RPH3A: variants seen among roughly 807,000 people sequenced by gnomAD.
The protein encoded by RPH3A is rabphilin-3A.
In RPH3A, 48 loss-of-function variants were observed where a neutral mutation model predicts 102.2. That is an observed-to-expected ratio of 0.47 (90% CI 0.37 to 0.60). The LOEUF is 0.60. Among genes scored for constraint, RPH3A ranks in the 20% least tolerant of loss-of-function variants. The pLI is 0.00. For synonymous variants in RPH3A, 310 were observed against 324.3 expected, an observed-to-expected ratio of 0.96 and a Z score of 0.47; for missense variants, 781 against 910.1, an observed-to-expected ratio of 0.86 and a Z score of 1.83.
chr12:112,766,129 A>T (rs1016067984), intron 1 of RPH3A, among the ~76,000 whole-genome samples: 1 of 152,188 alleles, frequency 6.6e-6, no homozygotes, highest in Non-Finnish European at 1.5e-5. Flanking sequence ...CATCTAGAAG[A>T]TGAGAGCCCA....
chr12:112,694,715 G>A (rs929684104), intron 1 of RPH3A, among the ~76,000 whole-genome samples: 8 of 151,128 alleles, frequency 5.3e-5, no homozygotes, highest in African/African-American at 2.0e-4. Flanking sequence ...CTGTTTACTT[G>A]AAATGGCCTC....
At chr12:112,874,358 A>G (rs1282901328) in intron 10 of RPH3A, among the ~76,000 whole-genome samples, 1 of 152,222 alleles carries the variant, frequency 6.6e-6, no homozygotes, top group African/African-American at 2.4e-5. Flanking sequence ...GAGCTCAGTA[A>G]CTTCTCTGTG....
intron 10 of RPH3A, 145 bp from the exon 11 acceptor site, chr12:112,874,939 G>A: frequency 1.6e-6 from 1 of 613,140 alleles, no homozygotes. Context: ...AGGCAGAAGA[G>A]TCAGAAAGAG....
intron 1 of RPH3A, among the ~76,000 whole-genome samples, chr12:112,780,464 C>G (rs1382853712): frequency 2.0e-5 from 3 of 151,948 alleles, no homozygotes; most frequent in Non-Finnish European, 4.4e-5. Context: ...CTTACCTGTC[C>G]TGTATCCATT....
chr12:112,777,698 C>T (rs188665783), intron 1 of RPH3A, among the ~76,000 whole-genome samples: 1 of 152,306 alleles, frequency 6.6e-6, no homozygotes, highest in Non-Finnish European at 1.5e-5. Flanking sequence ...ATGATGCTAG[C>T]AGCTGAACAT....
chr12:112,614,688 CAAAAAAAAAAAA>C (rs35810360), intron 1 of RPH3A, among the ~76,000 whole-genome samples: 7 of 27,156 alleles, frequency 2.6e-4, no homozygotes, highest in South Asian at 1.7e-3. Context: ...GACCCTGCCT[CAAAAAAAAAAAA>C]AAAAAAAAAA....
intron 1 of RPH3A, among the ~76,000 whole-genome samples, chr12:112,586,055 A>T (rs2039437043): frequency 6.6e-6 from 1 of 152,190 alleles, no homozygotes; most frequent in Non-Finnish European, 1.5e-5. Flanking sequence ...ATGTAAAAAG[A>T]AGAAAAAAAT....
chr12:112,723,555 G>A (rs1372637616), intron 1 of RPH3A, among the ~76,000 whole-genome samples: 1 of 152,134 alleles, frequency 6.6e-6, no homozygotes, highest in Non-Finnish European at 1.5e-5. Flanking sequence ...TGCTTCTTGG[G>A]AGCACTTCCA....
chr12:112,778,230 A>G (rs1193768485), intron 1 of RPH3A, among the ~76,000 whole-genome samples: 1 of 152,236 alleles, frequency 6.6e-6, no homozygotes, highest in Non-Finnish European at 1.5e-5. Flanking sequence ...GTTCTGTCAA[A>G]TGAGAGAGAG....
chr12:112,890,999 A>C lies in RPH3A; in HGVS notation c.1771A>C (p.Lys591Gln). The change falls in exon 19 of 22, where the codon AAG becomes CAG. Residue 591 changes from lysine (K) to glutamine (Q), a missense_variant. By Grantham distance (53) the Lys-to-Gln change is moderately conservative. Around this residue, in one of 2 missense-constraint regions of RPH3A, gnomAD observed 730 missense variants for 810.0 expected, o/e 0.90. Coordinates refer to ENST00000389385, the MANE Select transcript of RPH3A (RefSeq NM_001143854.2). Reference protein sequence around the residue: ...DANGYSDPFVKLWLKPDMGKK... With the variant: ...DANGYSDPFVQLWLKPDMGKK... ...TAATGGCTACTCAGACCCATTCGTCAAGCTGTAAGTCAATGCCTTGGGGCT... is the reference window on the plus strand; with the variant it reads ...TAATGGCTACTCAGACCCATTCGTCCAGCTGTAAGTCAATGCCTTGGGGCT... 1 of 1,614,134 alleles carries C rather than the reference A, an allele frequency of 6.2e-7. No homozygotes were observed. The highest frequency in any genetic ancestry group is 8.5e-7 in the Non-Finnish European group (1 of 1,179,994).
At chr12:112,849,057 A>G (rs1268309756) in intron 5 of RPH3A, among the ~76,000 whole-genome samples, 1 of 152,190 alleles carries the variant, frequency 6.6e-6, no homozygotes, top group Non-Finnish European at 1.5e-5. Context: ...CCAACTGCTT[A>G]CAGCGGATTT....
chr12:112,641,478 C>T (rs1016043030), intron 1 of RPH3A, among the ~76,000 whole-genome samples: 1 of 152,188 alleles, frequency 6.6e-6, no homozygotes, highest in Non-Finnish European at 1.5e-5. Flanking sequence ...CTCACTGCAA[C>T]CTCCGCCTCC....
chr12:112,837,662 A>G (rs992642680), intron 4 of RPH3A: 32 of 432,496 alleles, frequency 7.4e-5, no homozygotes, highest in African/African-American at 6.0e-4. Context: ...TCTGCTTTCT[A>G]TGAAATCATG....
chr12:112,682,944 T>C (rs1054176138), intron 1 of RPH3A, among the ~76,000 whole-genome samples: 16 of 152,230 alleles, frequency 1.1e-4, no homozygotes, highest in African/African-American at 3.9e-4. Flanking sequence ...ATCTTAAAAC[T>C]TATTTTTTCT....
chr12:112,860,472 A>G (rs2042489114), intron 5 of RPH3A, among the ~76,000 whole-genome samples: 1 of 152,166 alleles, frequency 6.6e-6, no homozygotes, highest in Admixed American at 6.5e-5. Context: ...CCAGGAGTTA[A>G]TGGTGAAAGG....
rs73421299 is a variant in RPH3A at position 112,764,291 on chromosome 12, C to T, written c.-139-27852C>T. On this transcript the variant is annotated intron_variant, in intron 1 of 21. Coordinates refer to the RPH3A transcript ENST00000543106. ...TGCAGGCTCAGAGAATGGCCAAAAA[C>T]GAGTTAAGGTAGTAAGTCAGGTTTT... is the stretch of plus-strand genomic sequence containing the variant. Among the ~76,000 whole-genome samples, 525 of 152,196 alleles carry T rather than the reference C, an allele frequency of 3.4e-3. 4 individuals are homozygous for T. The highest frequency in any genetic ancestry group is 0.012 in the African/African-American group (490 of 41,518).
rs942769698 is a variant in RPH3A at position 112,771,015 on chromosome 12, C to A, written c.-139-21128C>A. On this transcript the variant is annotated intron_variant, in intron 1 of 21. Coordinates refer to the RPH3A transcript ENST00000543106. ...TGTTATTTTAAATTATGCATATACA[C>A]ACAGACAGGAAAGGTACAAGTGGTT... 2.0e-5 allele frequency among the ~76,000 whole-genome samples: 3 copies of A among 152,150 alleles called. No individual in the cohort carries two copies. In the South Asian group the frequency reaches 6.2e-4, roughly 32 times the overall value.
chr12:112,584,987 G>T (rs1477804620), intron 1 of RPH3A, among the ~76,000 whole-genome samples: 1 of 152,192 alleles, frequency 6.6e-6, no homozygotes, highest in African/African-American at 2.4e-5. Context: ...AAGTAGGAAA[G>T]CCCACAGTGC....
chr12:112,813,209 A>G (rs1377810685), intron 2 of RPH3A: 1 of 152,180 alleles, frequency 6.6e-6, no homozygotes, highest in Non-Finnish European at 1.5e-5. Flanking sequence ...TTTTGCCTCC[A>G]GTGATTTGAG....
Sources: allele counts gnomAD v4.1 joint callset (sites outside exome capture counted in the v4.1 genomes callset), GRCh38; gene constraint gnomAD v4.1.1; regional missense constraint gnomAD v4.1.1; transcripts MANE v1.5; gene names NCBI Gene and HGNC (gene_info 2026-07-23, HGNC 2026-07-21).